CDH13: variants seen among roughly 807,000 people sequenced by gnomAD.
CDH13 encodes the protein cadherin-13.
A neutral mutation model predicts 63.8 loss-of-function variants in CDH13; 24 were observed. The ratio of observed to expected loss-of-function variants is 0.38; its 90% CI spans 0.27 to 0.53. The LOEUF (loss-of-function observed/expected upper bound fraction) is 0.53. Among genes scored for constraint, CDH13 ranks in the 20% least tolerant of loss-of-function variants. CDH13 has a pLI of 0.85. For synonymous variants in CDH13, 503 were observed against 355.3 expected, an observed-to-expected ratio of 1.42 and a Z score of -4.67; for missense variants, 1,049 against 903.1, an observed-to-expected ratio of 1.16 and a Z score of -2.07.
intron 2 of CDH13, among the ~76,000 whole-genome samples, chr16:82,944,601 T>G (rs34248819): frequency 0.42 from 63,961 of 151,912 alleles, 15,365 homozygotes; most frequent in African/African-American, 0.66. Context: ...AGGGGTGGTG[T>G]TAACATCCTA....
intron 7 of CDH13, among the ~76,000 whole-genome samples, chr16:83,524,705 G>C (rs182431146): frequency 3.7e-4 from 56 of 152,202 alleles, no homozygotes; most frequent in African/African-American, 1.3e-3. Flanking sequence ...GCCCGCCTCG[G>C]CCTTCCAAAG....
At chr16:83,693,294 A>G (rs1049915066) in intron 10 of CDH13, among the ~76,000 whole-genome samples, 2 of 152,194 alleles carry the variant, frequency 1.3e-5, no homozygotes, top group Admixed American at 1.3e-4. Context: ...GATACAGAAT[A>G]AAAGAATTCA....
chr16:83,771,886 T>C (rs16961719), intron 11 of CDH13, among the ~76,000 whole-genome samples: 7,402 of 152,316 alleles, frequency 0.049, 202 homozygotes, highest in South Asian at 0.081. Context: ...AATATCTCCT[T>C]ACATCCCATT....
intron 2 of CDH13, among the ~76,000 whole-genome samples, chr16:82,867,531 G>T (rs144881655): frequency 6.6e-6 from 1 of 152,066 alleles, no homozygotes; most frequent in African/African-American, 2.4e-5. Context: ...TCACCAAGAC[G>T]TTACTTGGTC....
intron 6 of CDH13, among the ~76,000 whole-genome samples, chr16:83,444,936 G>T (rs55956888): frequency 3.2e-5 from 1 of 31,568 alleles, no homozygotes. Flanking sequence ...CTGTTCCCAC[G>T]TTGCAGGTAG....
Position 83,624,824 on chromosome 16 carries a change from C to T in CDH13, c.1101+22230C>T, listed in dbSNP as rs140432556. 3.4e-3 allele frequency among the ~76,000 whole-genome samples: 515 copies of T among 152,246 alleles called. 8 individuals carry two copies. The highest frequency in any genetic ancestry group is 0.012 in the African/African-American group (496 of 41,536). ...GGTGGTTCCCTGAAGAAAGCAATGCCCCCAGATCAAAGCTACATTTCCCAT... is the reference window on the plus strand; with the variant it reads ...GGTGGTTCCCTGAAGAAAGCAATGCTCCCAGATCAAAGCTACATTTCCCAT... On this transcript the variant is annotated intron_variant, in intron 8 of 13. Transcript: ENST00000567109.
intron 1 of CDH13, among the ~76,000 whole-genome samples, chr16:82,777,384 C>G (rs1647656179): frequency 6.6e-6 from 1 of 152,160 alleles, no homozygotes; most frequent in African/African-American, 2.4e-5. Context: ...CCTTTGGGGA[C>G]TTGGAATTTG....
chr16:83,616,626 T>C (rs1386746678), intron 8 of CDH13, among the ~76,000 whole-genome samples: 2 of 152,088 alleles, frequency 1.3e-5, no homozygotes, highest in Non-Finnish European at 2.9e-5. Flanking sequence ...TTTTTAACTC[T>C]AAGAATATGA....
intron 7 of CDH13, among the ~76,000 whole-genome samples, chr16:83,594,914 T>C (rs1476464239): frequency 6.6e-6 from 1 of 152,240 alleles, no homozygotes; most frequent in African/African-American, 2.4e-5. Flanking sequence ...GTGTGATCAG[T>C]GAACCTGGCC....
chr16:83,534,937 A>G (rs1440311320), intron 7 of CDH13, among the ~76,000 whole-genome samples: 1 of 152,238 alleles, frequency 6.6e-6, no homozygotes, highest in Non-Finnish European at 1.5e-5. Context: ...GTCTAGGACA[A>G]TTTTATAGGA....
chr16:83,700,844 G>A (rs62046237), intron 10 of CDH13, among the ~76,000 whole-genome samples: 21,890 of 152,104 alleles, frequency 0.14, 1,899 homozygotes, highest in African/African-American at 0.25. Context: ...GTAATTAAAC[G>A]GGCCACGGGA....
chr16:83,107,033 G>GACAC (rs141710269), intron 3 of CDH13, among the ~76,000 whole-genome samples: 9 of 152,016 alleles, frequency 5.9e-5, no homozygotes, highest in Non-Finnish European at 1.3e-4. Flanking sequence ...CAGACAGACA[G>GACAC]ACACACACAC....
At chr16:82,734,376 G>A (rs1204869444) in intron 1 of CDH13, among the ~76,000 whole-genome samples, 3 of 152,210 alleles carry the variant, frequency 2.0e-5, no homozygotes, top group Non-Finnish European at 4.4e-5. Flanking sequence ...TCCAGGGAGA[G>A]GGGACAGGCA....
chr16:83,190,794 G>C (rs1283699338), intron 4 of CDH13, among the ~76,000 whole-genome samples: 1 of 152,052 alleles, frequency 6.6e-6, no homozygotes, highest in Non-Finnish European at 1.5e-5. Flanking sequence ...TCTCACTGTG[G>C]TGACATTTAA....
intron 1 of CDH13, among the ~76,000 whole-genome samples, chr16:82,740,331 A>C: frequency 6.6e-6 from 1 of 152,186 alleles, no homozygotes; most frequent in Non-Finnish European, 1.5e-5. Flanking sequence ...ATTTGGTGAA[A>C]CTGGGCTACA....
chr16:83,333,155 C>T (rs1196018174), intron 5 of CDH13, among the ~76,000 whole-genome samples: 1 of 152,080 alleles, frequency 6.6e-6, no homozygotes, highest in Non-Finnish European at 1.5e-5. Flanking sequence ...AATGTCTTTT[C>T]CCTGGGAACT....
chr16:83,658,226 A>T (rs1169768240), intron 8 of CDH13, among the ~76,000 whole-genome samples: 1 of 132,350 alleles, frequency 7.6e-6, no homozygotes, highest in Admixed American at 7.5e-5. Context: ...ACCAGGTCCC[A>T]TATCCTCACC....
At chr16:83,402,304 C>T (rs1375024067) in intron 6 of CDH13, among the ~76,000 whole-genome samples, 6 of 152,166 alleles carry the variant, frequency 3.9e-5, no homozygotes, top group Non-Finnish European at 7.3e-5. Flanking sequence ...CATGCATGAG[C>T]TCATCCTCAC....
At chr16:82,652,193 G>A (rs1199463873) in intron 1 of CDH13, among the ~76,000 whole-genome samples, 1 of 152,180 alleles carries the variant, frequency 6.6e-6, no homozygotes, top group Non-Finnish European at 1.5e-5. Flanking sequence ...CATTTCCCTG[G>A]AGAGTCTTGT....
Sources: gnomAD v4.1 joint callset for allele counts (sites outside exome capture counted in the v4.1 genomes callset) on GRCh38, gnomAD v4.1.1 for gene constraint, MANE v1.5 for transcripts, NCBI Gene and HGNC (gene_info 2026-07-23, HGNC 2026-07-21) for gene names.